Variants in AGBL4 observed in about 807,000 individuals in gnomAD.
AGBL4 encodes AGBL carboxypeptidase 4.
Under a neutral mutation model 66.4 loss-of-function variants are expected in AGBL4, and 58 were observed. The ratio of observed to expected loss-of-function variants is 0.87; its 90% CI spans 0.71 to 1.09. The LOEUF (loss-of-function observed/expected upper bound fraction) is 1.09. AGBL4 is among the 50% of genes least tolerant of loss of function. AGBL4 has a pLI of 0.00. For synonymous variants in AGBL4, 234 were observed against 222.9 expected, an observed-to-expected ratio of 1.05 and a Z score of -0.44; for missense variants, 579 against 631.0, an observed-to-expected ratio of 0.92 and a Z score of 0.88.
chr1:48,892,110 T>A (rs1219710790), intron 5 of AGBL4, among the ~76,000 whole-genome samples: 1 of 152,162 alleles, frequency 6.6e-6, no homozygotes. Context: ...TAAGGAGTAA[T>A]CTCAGAGGCA....
intron 3 of AGBL4, among the ~76,000 whole-genome samples, chr1:49,329,912 A>G (rs942570684): frequency 2.6e-5 from 4 of 152,208 alleles, no homozygotes; most frequent in Non-Finnish European, 5.9e-5. Flanking sequence ...GAACATATGT[A>G]TCTTTCTCTC....
intron 5 of AGBL4, among the ~76,000 whole-genome samples, chr1:49,011,798 G>A (rs1020831706): frequency 1.6e-4 from 23 of 146,800 alleles, no homozygotes; most frequent in Admixed American, 3.5e-4. Flanking sequence ...ACCAAACACC[G>A]CATATTCTCA....
intron 1 of AGBL4, among the ~76,000 whole-genome samples, chr1:49,897,868 G>A (rs1327152003): frequency 6.6e-6 from 1 of 151,606 alleles, no homozygotes; most frequent in East Asian, 1.9e-4. Flanking sequence ...ATACATTAGG[G>A]AAAGGACAGT....
At chr1:48,653,909 A>G (rs1193186779) in intron 7 of AGBL4, among the ~76,000 whole-genome samples, 1 of 152,198 alleles carries the variant, frequency 6.6e-6, no homozygotes, top group African/African-American at 2.4e-5. Flanking sequence ...TTAAATGCTC[A>G]TGTTGCTGAT....
chr1:48,697,217 A>G (rs896928877), intron 6 of AGBL4, among the ~76,000 whole-genome samples: 1 of 152,198 alleles, frequency 6.6e-6, no homozygotes, highest in African/African-American at 2.4e-5. Flanking sequence ...GCCCGGGTTC[A>G]TCTTTGGACA....
In AGBL4 at chr1:48,533,260, C is replaced by T. The variant is rs1390260051; in HGVS notation, c.*913G>A. The T allele has an allele frequency of 6.6e-6, 1 of 152,178 alleles. No homozygotes were observed. Among genetic ancestry groups the T allele is most frequent in the African/African-American group, 2.4e-5 (1 of 41,432 alleles). 9.4% of individuals were successfully genotyped at this position (152,178 alleles called of 1,614,324 possible). Reference sequence around the variant, plus strand: ...CCATTCATCATACAAAGGCACTTTACTCTTCACAAAAATGCCAATATTTAG... The same window carrying T: ...CCATTCATCATACAAAGGCACTTTATTCTTCACAAAAATGCCAATATTTAG... On this transcript the variant is annotated 3_prime_UTR_variant, in exon 14 of 14. Transcript: ENST00000371839.
intron 2 of AGBL4, among the ~76,000 whole-genome samples, chr1:49,717,780 ATC>A (rs1248511192): frequency 6.6e-6 from 1 of 152,040 alleles, no homozygotes; most frequent in African/African-American, 2.4e-5. Context: ...TATTCAATAA[ATC>A]TCTGTTGAGC....
chr1:49,414,044 G>A (rs572254957), intron 3 of AGBL4, among the ~76,000 whole-genome samples: 2 of 152,244 alleles, frequency 1.3e-5, no homozygotes, highest in South Asian at 2.1e-4. Flanking sequence ...CAGTTACAAT[G>A]TTTGTGAAAG....
chr1:48,778,675 G>A (rs1020233593), intron 6 of AGBL4, among the ~76,000 whole-genome samples: 2 of 152,134 alleles, frequency 1.3e-5, no homozygotes, highest in African/African-American at 2.4e-5. Flanking sequence ...GTGTGTGTAT[G>A]TAACTATTTT....
At chr1:49,666,126 GT>G (rs1270495321) in intron 3 of AGBL4, among the ~76,000 whole-genome samples, 1 of 151,862 alleles carries the variant, frequency 6.6e-6, no homozygotes, top group Admixed American at 6.6e-5. Flanking sequence ...CTAGCTTTAA[GT>G]TTTCTTCTTA....
At chr1:49,831,650 GA>G (rs757060268) in intron 2 of AGBL4, among the ~76,000 whole-genome samples, 1 of 152,074 alleles carries the variant, frequency 6.6e-6, no homozygotes, top group Non-Finnish European at 1.5e-5. Context: ...ATAATATGTT[GA>G]ATAGGAGTGG....
intron 6 of AGBL4, among the ~76,000 whole-genome samples, chr1:48,811,946 T>C (rs1646061034): frequency 1.3e-5 from 2 of 152,146 alleles, no homozygotes; most frequent in Admixed American, 6.5e-5. Context: ...TTCAGCAAGG[T>C]CTTACACAGG....
In AGBL4 at chr1:49,307,611, C is replaced by A. The variant is rs1468184323; in HGVS notation, c.283-61747G>T. On this transcript the variant is annotated intron_variant, in intron 3 of 13. Coordinates refer to ENST00000371839, the MANE Select transcript of AGBL4 (RefSeq NM_032785.4). ...TACTGAATATTTACTCTGCAAATGC[C>A]TACTAGTGCTAGTCAACTAGCCTAA... Among the ~76,000 whole-genome samples, 4 of 152,096 alleles carry A rather than the reference C, an allele frequency of 2.6e-5. No homozygotes were observed. In the South Asian group the frequency reaches 6.2e-4, roughly 24 times the overall value.
Position 48,565,835 on chromosome 1 carries a change from A to G in AGBL4, c.1267+21169T>C, listed in dbSNP as rs554438968. Among the ~76,000 whole-genome samples the G allele has an allele frequency of 2.0e-5, 3 of 152,346 alleles. No individual in the cohort carries two copies. The East Asian group carries it at 5.8e-4, about 29-fold the overall frequency. On this transcript the variant is annotated intron_variant, in intron 11 of 13. Coordinates refer to ENST00000371839, the MANE Select transcript of AGBL4 (RefSeq NM_032785.4). ...CCGTCTAGGGCAGTACCTGCCACATAACTGACTGCCCTCCCTTAATCCTGC... is the reference window on the plus strand; with the variant it reads ...CCGTCTAGGGCAGTACCTGCCACATGACTGACTGCCCTCCCTTAATCCTGC...
chr1:48,755,555 C>A (rs1394278554), intron 6 of AGBL4, among the ~76,000 whole-genome samples: 110 of 152,328 alleles, frequency 7.2e-4, no homozygotes, highest in Non-Finnish European at 1.3e-4. Flanking sequence ...CTACATCAAC[C>A]CTAACCCAGG....
intron 2 of AGBL4, among the ~76,000 whole-genome samples, chr1:49,784,097 A>G (rs2147911765): frequency 6.6e-6 from 1 of 152,218 alleles, no homozygotes; most frequent in East Asian, 1.9e-4. Flanking sequence ...ACACAATTAC[A>G]GCTGCTATTC....
At chr1:49,742,967 A>T (rs1056801608) in intron 2 of AGBL4, among the ~76,000 whole-genome samples, 9 of 152,204 alleles carry the variant, frequency 5.9e-5, no homozygotes, top group African/African-American at 7.2e-5. Context: ...AACCTACGCA[A>T]TACCATTCAG....
At chr1:49,176,552 C>T (rs997947369) in intron 4 of AGBL4, among the ~76,000 whole-genome samples, 12 of 152,076 alleles carry the variant, frequency 7.9e-5, no homozygotes, top group South Asian at 2.1e-4. Flanking sequence ...CTCATACAAA[C>T]GATGGAAGCA....
intron 1 of AGBL4, among the ~76,000 whole-genome samples, chr1:49,906,864 T>G (rs972876682): frequency 5.3e-5 from 8 of 152,128 alleles, no homozygotes; most frequent in Non-Finnish European, 1.2e-4. Flanking sequence ...CAGGAACTAT[T>G]TCACTCTGTA....
Sources: gnomAD v4.1 joint callset for allele counts (sites outside exome capture counted in the v4.1 genomes callset) on GRCh38, gnomAD v4.1.1 for gene constraint, MANE v1.5 for transcripts, NCBI Gene and HGNC (gene_info 2026-07-23, HGNC 2026-07-21) for gene names.